The following DOK7 variants were observed in gnomAD, a reference collection of about 807,000 sequenced individuals.
The protein encoded by DOK7 is protein Dok-7.
A neutral mutation model predicts 30.7 loss-of-function variants in DOK7; 32 were observed. The ratio of observed to expected loss-of-function variants is 1.04; its 90% CI spans 0.79 to 1.40. The LOEUF (loss-of-function observed/expected upper bound fraction) is 1.40, where lower values mean the gene tolerates loss of function less well. Ranked by LOEUF, DOK7 falls within the 40% of genes most tolerant of loss-of-function variation. The pLI, the probability that DOK7 is intolerant of heterozygous loss-of-function variation, is 0.00. For missense variants in DOK7, 1,007 were observed against 699.2 expected (o/e 1.44, Z -4.97); for synonymous variants, 447 against 324.1 (o/e 1.38, Z -4.07).
intron 6 of DOK7, among the ~76,000 whole-genome samples, chr4:3,490,375 C>CA (rs1560226660): frequency 5.4e-4 from 48 of 88,350 alleles, no homozygotes; most frequent in Non-Finnish European, 1.6e-4. Flanking sequence ...TCCTTCCTTC[C>CA]CCCCACCCCC....
At chr4:3,497,812 T>G (rs1368368791), downstream of DOK7, among the ~76,000 whole-genome samples, 51 of 152,114 alleles carry the variant, frequency 3.4e-4, no homozygotes, top group Non-Finnish European at 5.9e-5. Context: ...GGCCCTGGGC[T>G]GGACACCGAT....
rs369297851 is a variant in DOK7, at chr4:3,489,715, G to A, written c.691G>A (p.Val231Met). The change falls in exon 6 of 7, where the codon GTG becomes ATG. Residue 231 changes from valine (V) to methionine (M), a missense_variant. By Grantham distance (21) the Val-to-Met change is conservative. Coordinates refer to ENST00000340083, the MANE Select transcript of DOK7 (RefSeq NM_173660.5). ...GGGACCCTCGACTGTGGAGGAGCGT[G>A]TGGCCCAGGAAGCCCTGGAAACCCT... The part of the protein sequence containing the change: ...PPGPSTVEER[V>M]AQEALETLQL... The A allele has an allele frequency of 3.8e-6, 6 of 1,564,750 alleles. No individual in the cohort carries two copies. The highest frequency in any genetic ancestry group is 1.7e-4 in the Middle Eastern group (1 of 6,012).
intron 6 of DOK7, among the ~76,000 whole-genome samples, chr4:3,490,681 A>ATTCC (rs61724377): frequency 1.5e-5 from 1 of 65,000 alleles, no homozygotes; most frequent in African/African-American, 7.5e-5. Context: ...CCTTCCCCGC[A>ATTCC]TTCCTTCCTT....
chr4:3,493,778 CCT>C lies in DOK7; in HGVS notation c.*278_*279del, dbSNP rs376618003. 4.4e-5 allele frequency: 61 copies of C among 1,381,806 alleles called. No individual in the cohort carries two copies. The African/African-American group carries it at 7.3e-4, about 17-fold the overall frequency. 85.6% of individuals were successfully genotyped at this position (1,381,806 alleles called of 1,614,324 possible). Reference sequence around the variant, plus strand: ...GCTGCTTCACTCCGTGTCCCCCACCCCTGAGGATCAGGTGAGTGCTGCACCTC... The same window carrying C: ...GCTGCTTCACTCCGTGTCCCCCACCCGAGGATCAGGTGAGTGCTGCACCTC... On this transcript the variant is annotated 3_prime_UTR_variant, in exon 7 of 7. Coordinates refer to ENST00000340083, the MANE Select transcript of DOK7 (RefSeq NM_173660.5).
chr4:3,476,415 T>A lies in DOK7; in HGVS notation c.405T>A (p.Asn135Lys). The change falls in exon 4 of 7, where the codon AAT becomes AAA. Residue 135 changes from asparagine to lysine, a missense_variant. By Grantham distance (94) the Asn-to-Lys change is moderately conservative. Coordinates refer to ENST00000340083, the MANE Select transcript of DOK7 (RefSeq NM_173660.5). ...GCCCGGCTACCCTGCACCTCTGCAA[T>A]GATGTCCTCGTCTTGGCCAGGGACA... ...ESGPATLHLC[N>K]DVLVLARDIP... 6.2e-7 allele frequency: 1 copy of A among 1,613,316 alleles called. No homozygotes were observed. The highest frequency in any genetic ancestry group is 8.5e-7 in the Non-Finnish European group (1 of 1,179,986).
chr4:3,481,911 G>A (rs907752238), intron 4 of DOK7, among the ~76,000 whole-genome samples: 5 of 152,232 alleles, frequency 3.3e-5, no homozygotes, highest in Admixed American at 1.3e-4. Flanking sequence ...AAGCAGGTGC[G>A]TCTGTAACGT....
intron 5 of DOK7, among the ~76,000 whole-genome samples, chr4:3,488,531 C>T (rs1363493697): frequency 6.6e-6 from 1 of 152,248 alleles, no homozygotes; most frequent in Non-Finnish European, 1.5e-5. Flanking sequence ...CTCCGCCAGG[C>T]TGGGTTCTGT....
chr4:3,472,561 A>C (rs1726819546), intron 2 of DOK7, among the ~76,000 whole-genome samples: 1 of 152,226 alleles, frequency 6.6e-6, no homozygotes, highest in Non-Finnish European at 1.5e-5. Context: ...TCTCTCAGGC[A>C]GACCTGCTGC....
chr4:3,468,773 T>C (rs1381651772), intron 2 of DOK7, among the ~76,000 whole-genome samples: 6 of 142,390 alleles, frequency 4.2e-5, no homozygotes, highest in East Asian at 2.0e-4. Context: ...TGTGTGCATG[T>C]ATGTGTGCCT....
At chr4:3,467,758 C>A (rs73195118) in intron 2 of DOK7, among the ~76,000 whole-genome samples, 20,314 of 152,166 alleles carry the variant, frequency 0.13, 1,632 homozygotes, top group South Asian at 0.31. Flanking sequence ...AGTCACTGCT[C>A]ACGGTTCTGG....
chr4:3,470,496 C>A (rs939875698), intron 2 of DOK7, among the ~76,000 whole-genome samples: 1 of 152,144 alleles, frequency 6.6e-6, no homozygotes, highest in African/African-American at 2.4e-5. Flanking sequence ...GTCCGTGAAT[C>A]AGAAAGAGGT....
rs1399174885 is a variant in DOK7 at position 3,494,036 on chromosome 4, G to T, written c.*535G>T. 3 of 988,346 alleles carry T rather than the reference G, an allele frequency of 3.0e-6. No homozygotes were observed. The highest frequency in any genetic ancestry group is 3.6e-6 in the Non-Finnish European group (3 of 832,196). The allele number at this position is 988,346 out of a possible 1,614,324, so 61.2% of individuals were successfully genotyped here. A position where few individuals can be genotyped will look rare whatever the true frequency, so the allele number is the denominator to read the frequency against. ...GCGCTGGGCCTCATCCCCATCTATGGGAGGAAACTGAAGCTCAGGAGGCTG... is the reference window on the plus strand; with the variant it reads ...GCGCTGGGCCTCATCCCCATCTATGTGAGGAAACTGAAGCTCAGGAGGCTG... On this transcript the variant is annotated 3_prime_UTR_variant, in exon 7 of 7. Transcript: ENST00000340083.
chr4:3,471,519 A>G (rs10007223), intron 2 of DOK7, among the ~76,000 whole-genome samples: 54,259 of 152,124 alleles, frequency 0.36, 10,402 homozygotes, highest in African/African-American at 0.49. Flanking sequence ...CTCACAACAC[A>G]CTTCAACTGC....
exon 7 of DOK7, chr4:3,500,298 C>T (rs1043219573): frequency 1.4e-5 from 21 of 1,535,832 alleles, no homozygotes; most frequent in Admixed American, 9.8e-5. Context: ...AGAGAGGCCG[C>T]GCGGCGAGTC....
intron 4 of DOK7, among the ~76,000 whole-genome samples, chr4:3,482,135 G>A (rs1467055425): frequency 6.6e-6 from 1 of 152,190 alleles, no homozygotes; most frequent in Non-Finnish European, 1.5e-5. Context: ...GCTCAAAGAT[G>A]TCTGACGTGC....
intron 3 of DOK7, among the ~76,000 whole-genome samples, chr4:3,475,863 G>A (rs1727024519): frequency 6.6e-6 from 1 of 152,096 alleles, no homozygotes; most frequent in Non-Finnish European, 1.5e-5. Flanking sequence ...AGGGGAGGGA[G>A]GTGGAGGTCC....
At chr4:3,477,174 C>T (rs1727148285) in intron 4 of DOK7, among the ~76,000 whole-genome samples, 1 of 152,276 alleles carries the variant, frequency 6.6e-6, no homozygotes, top group South Asian at 2.1e-4. Flanking sequence ...CAGGTTGTTC[C>T]AGCAACCCCC....
chr4:3,496,741 C>T (rs555265618), downstream of DOK7: 31 of 1,486,644 alleles, frequency 2.1e-5, 1 homozygote, highest in South Asian at 3.6e-4. Context: ...GGGGTAGTGT[C>T]CTTGTTCTCG....
chr4:3,477,299 C>T (rs1234874428), intron 4 of DOK7, among the ~76,000 whole-genome samples: 1 of 152,226 alleles, frequency 6.6e-6, no homozygotes, highest in Non-Finnish European at 1.5e-5. Flanking sequence ...GCTCATTGGC[C>T]GGGCTGAAGG....
Sources: allele counts gnomAD v4.1 joint callset (sites outside exome capture counted in the v4.1 genomes callset), GRCh38; gene constraint gnomAD v4.1.1; transcripts MANE v1.5; gene names NCBI Gene and HGNC (gene_info 2026-07-23, HGNC 2026-07-21).